PTPRM: variants seen among roughly 807,000 people sequenced by gnomAD.
PTPRM encodes protein tyrosine phosphatase receptor type M.
In PTPRM, 47 loss-of-function variants were observed where a neutral mutation model predicts 186.7. The ratio of observed to expected loss-of-function variants is 0.25; its 90% confidence interval spans 0.20 to 0.32. The LOEUF is 0.32. PTPRM is among the 10% of genes least tolerant of loss of function. PTPRM has a pLI of 1.00. For missense variants in PTPRM, 1,494 were observed against 1,865.0 expected, an observed-to-expected ratio of 0.80 and a Z score of 3.66; for synonymous variants, 668 against 674.9, an observed-to-expected ratio of 0.99 and a Z score of 0.16.
chr18:7,797,777 C>T (rs778293548), intron 2 of PTPRM, among the ~76,000 whole-genome samples: 23 of 152,160 alleles, frequency 1.5e-4, no homozygotes, highest in Admixed American at 2.6e-4. Context: ...CTGGATGACA[C>T]CTGCAGTGTT....
intron 7 of PTPRM, among the ~76,000 whole-genome samples, chr18:7,974,279 A>G (rs2054783655): frequency 6.6e-6 from 1 of 152,160 alleles, no homozygotes; most frequent in Admixed American, 6.5e-5. Flanking sequence ...GGCTTTGAGG[A>G]TACAGTTAGT....
rs1235830625 is a variant in PTPRM at position 7,972,506 on chromosome 18, T to G, written c.1132+17092T>G. 1.4e-4 allele frequency among the ~76,000 whole-genome samples: 12 copies of G among 84,614 alleles called. 1 individual carries two copies. Among genetic ancestry groups the G allele is most frequent in the Admixed American group, 8.0e-4 (7 of 8,722 alleles). The allele number at this position is 84,614 out of a possible 152,430, so 55.5% of individuals were successfully genotyped here. On this transcript the variant is annotated intron_variant, in intron 7 of 32. Transcript: ENST00000580170. ...AAAAAAAAAAAAAAGGAGAGAAACATGGAATAGAAAAAAAAAAAAGAAACC... is the reference window on the plus strand; with the variant it reads ...AAAAAAAAAAAAAAGGAGAGAAACAGGGAATAGAAAAAAAAAAAAGAAACC...
chr18:8,084,810 T>C (rs2145252754), intron 9 of PTPRM, among the ~76,000 whole-genome samples: 1 of 152,308 alleles, frequency 6.6e-6, no homozygotes, highest in Middle Eastern at 3.4e-3. Flanking sequence ...GATGAACTAC[T>C]CATAGTGAAA....
chr18:8,022,140 C>T (rs1237840685), intron 7 of PTPRM, among the ~76,000 whole-genome samples: 4 of 152,154 alleles, frequency 2.6e-5, no homozygotes, highest in African/African-American at 7.2e-5. Context: ...GCCCCTCACC[C>T]CCATGTCTCT....
intron 8 of PTPRM, among the ~76,000 whole-genome samples, chr18:8,072,864 G>A (rs1174163751): frequency 7.0e-6 from 1 of 142,188 alleles, no homozygotes; most frequent in Non-Finnish European, 1.5e-5. Flanking sequence ...TTACTATGAG[G>A]TACTATCTTC....
chr18:8,050,491 GA>G (rs112835362), intron 7 of PTPRM, among the ~76,000 whole-genome samples: 80 of 142,712 alleles, frequency 5.6e-4, no homozygotes, highest in South Asian at 1.8e-3. Context: ...TTAGTTTCCT[GA>G]AAAAAAAAAA....
intron 2 of PTPRM, among the ~76,000 whole-genome samples, chr18:7,785,905 A>G (rs758509031): frequency 5.9e-4 from 90 of 152,344 alleles, no homozygotes; most frequent in Non-Finnish European, 9.7e-4. Flanking sequence ...AAAGATTCTT[A>G]TCCTATTGGT....
At chr18:8,389,344 A>G (rs1356379665) in intron 31 of PTPRM, among the ~76,000 whole-genome samples, 1 of 152,204 alleles carries the variant, frequency 6.6e-6, no homozygotes, top group African/African-American at 2.4e-5. Flanking sequence ...CCTAACAAGA[A>G]GACATAAAGA....
intron 22 of PTPRM, among the ~76,000 whole-genome samples, chr18:8,343,080 TG>T (rs2095484378): frequency 6.6e-6 from 1 of 152,164 alleles, no homozygotes; most frequent in African/African-American, 2.4e-5. Flanking sequence ...GAAAGAGTAA[TG>T]TTATCTATTT....
At chr18:8,292,925 A>G (rs1170432435) in intron 19 of PTPRM, among the ~76,000 whole-genome samples, 1 of 152,174 alleles carries the variant, frequency 6.6e-6, no homozygotes, top group East Asian at 1.9e-4. Flanking sequence ...TCATTGGGGT[A>G]AGAGTGGTAG....
chr18:8,162,391 G>A (rs1251494727), intron 14 of PTPRM, among the ~76,000 whole-genome samples: 3 of 152,180 alleles, frequency 2.0e-5, no homozygotes, highest in Non-Finnish European at 2.9e-5. Context: ...ATGAGCTACC[G>A]CGCCTGGCCT....
intron 22 of PTPRM, among the ~76,000 whole-genome samples, chr18:8,341,817 T>C (rs1177271384): frequency 4.6e-5 from 7 of 152,172 alleles, no homozygotes; most frequent in Non-Finnish European, 8.8e-5. Flanking sequence ...GCCAGAACTG[T>C]AGTGATTGAT....
chr18:8,116,327 C>T (rs2091955509), intron 13 of PTPRM, among the ~76,000 whole-genome samples: 1 of 152,192 alleles, frequency 6.6e-6, no homozygotes, highest in Non-Finnish European at 1.5e-5. Context: ...TTTGAAATCT[C>T]TTTCATGCGT....
intron 14 of PTPRM, among the ~76,000 whole-genome samples, chr18:8,197,585 TA>T (rs2093797185): frequency 6.6e-6 from 1 of 152,236 alleles, no homozygotes; most frequent in South Asian, 2.1e-4. Context: ...TGGACATTCA[TA>T]AATTTATAAT....
chr18:8,068,490 A>C (rs1021848504), intron 7 of PTPRM, among the ~76,000 whole-genome samples: 2 of 152,188 alleles, frequency 1.3e-5, no homozygotes, highest in African/African-American at 2.4e-5. Flanking sequence ...CTTTCTCTGC[A>C]TATATTTTGT....
chr18:7,613,753 C>G lies in PTPRM; in HGVS notation c.73+45862C>G, dbSNP rs535388746. ...TCAGTAAATAAACACTTGGTTGATT[C>G]CAGTGCAAGGAAAAGGTTGACCCAG... On this transcript the variant is annotated intron_variant, in intron 1 of 32. Coordinates refer to ENST00000580170, the MANE Select transcript of PTPRM (RefSeq NM_001105244.2). Among the ~76,000 whole-genome samples, 16 of 152,198 alleles carry G rather than the reference C, an allele frequency of 1.1e-4. No homozygotes were observed. In the South Asian group the frequency reaches 3.1e-3, roughly 30 times the overall value.
intron 1 of PTPRM, among the ~76,000 whole-genome samples, chr18:7,770,715 A>G (rs2042233641): frequency 6.6e-6 from 1 of 152,236 alleles, no homozygotes; most frequent in South Asian, 2.1e-4. Context: ...GCTATTACCT[A>G]AAGCTGTCCT....
intron 19 of PTPRM, among the ~76,000 whole-genome samples, chr18:8,295,453 G>A (rs1423567385): frequency 2.0e-5 from 3 of 152,062 alleles, no homozygotes; most frequent in Non-Finnish European, 4.4e-5. Flanking sequence ...CTGAGGACAC[G>A]AGTCCCTAAT....
chr18:8,016,780 G>A (rs1039080382), intron 7 of PTPRM, among the ~76,000 whole-genome samples: 2 of 152,072 alleles, frequency 1.3e-5, no homozygotes, highest in African/African-American at 4.8e-5. Flanking sequence ...TAGAAATGCG[G>A]CATTCATTTT....
Sources: gnomAD v4.1 joint callset for allele counts (sites outside exome capture counted in the v4.1 genomes callset) on GRCh38, gnomAD v4.1.1 for gene constraint, MANE v1.5 for transcripts, NCBI Gene and HGNC (gene_info 2026-07-23, HGNC 2026-07-21) for gene names.